COL4A4: variants seen among roughly 807,000 people sequenced by gnomAD.
The protein encoded by COL4A4 is collagen type IV alpha 4 chain, also known as collagen alpha-4(IV) chain.
Under a neutral mutation model 192.9 loss-of-function variants are expected in COL4A4, and 105 were observed. That is an observed-to-expected ratio of 0.54 (90% CI 0.46 to 0.64). The LOEUF (loss-of-function observed/expected upper bound fraction) is 0.64. COL4A4 is among the 30% of genes least tolerant of loss of function. COL4A4 has a pLI of 0.00. For missense variants in COL4A4, 1,967 were observed against 2,169.3 expected (o/e 0.91, Z 1.85); for synonymous variants, 762 against 769.9 (o/e 0.99, Z 0.17).
intron 1 of COL4A4, among the ~76,000 whole-genome samples, chr2:227,153,802 C>T (rs1289312494): frequency 6.6e-6 from 1 of 152,132 alleles, no homozygotes; most frequent in African/African-American, 2.4e-5. Context: ...AAACCTGTTT[C>T]AAAAGAGGAA....
chr2:227,078,523 C>A (rs752372578), intron 24 of COL4A4, among the ~76,000 whole-genome samples: 17 of 152,212 alleles, frequency 1.1e-4, no homozygotes, highest in Non-Finnish European at 2.4e-4. Context: ...GCGTCAGCCA[C>A]CGCGCCTGGC....
At chr2:226,970,946 C>T in the COL4A4 span, among the ~76,000 whole-genome samples, 7 of 152,120 alleles carry the variant, frequency 4.6e-5, no homozygotes, top group South Asian at 6.2e-4. Flanking sequence ...TTAAAACATA[C>T]GCAATCTCCT....
At chr2:226,982,135 G>C in the COL4A4 span, among the ~76,000 whole-genome samples, 1 of 152,232 alleles carries the variant, frequency 6.6e-6, no homozygotes, top group African/African-American at 2.4e-5. Context: ...GGCCTCACAT[G>C]TGGTAGGGTT....
At chr2:227,041,801 A>G (rs868312333) in intron 37 of COL4A4, among the ~76,000 whole-genome samples, 829 of 66,214 alleles carry the variant, frequency 0.013, 85 homozygotes, top group East Asian at 0.019. Flanking sequence ...AGAAAGAAAG[A>G]AAGGAAGAAA....
At position 227,073,100 on chromosome 2, in the gene COL4A4, C is replaced by T. The variant is rs538918429; in HGVS notation, c.1987+4794G>A. Reference sequence around the variant, plus strand: ...GCATCAAAATTAGAAAAGAGGAAGTCAAACTATCACTGTTTGCCGATAATA... The same window carrying T: ...GCATCAAAATTAGAAAAGAGGAAGTTAAACTATCACTGTTTGCCGATAATA... On this transcript the variant is annotated intron_variant, in intron 25 of 47. Transcript: ENST00000396625. Among the ~76,000 whole-genome samples the T allele has an allele frequency of 1.4e-4, 21 of 151,804 alleles. 1 individual carries two copies. The highest frequency in any genetic ancestry group is 5.1e-4 in the African/African-American group (21 of 41,262).
intron 8 of COL4A4, among the ~76,000 whole-genome samples, chr2:227,112,559 A>ACGCC (rs1298177036): frequency 6.6e-6 from 1 of 152,138 alleles, no homozygotes; most frequent in African/African-American, 2.4e-5. Flanking sequence ...GTGAGCCACC[A>ACGCC]CGCCTGGCCC....
chr2:227,089,166 T>G (rs2059764079), intron 21 of COL4A4, among the ~76,000 whole-genome samples: 1 of 137,300 alleles, frequency 7.3e-6, no homozygotes, highest in Non-Finnish European at 1.6e-5. Context: ...AGCCCATCCT[T>G]TGGTTCCTCC....
At chr2:227,088,613 T>A (rs890423761) in intron 22 of COL4A4, 40 bp downstream of exon 22, 1 of 1,610,322 alleles carries the variant, frequency 6.2e-7, no homozygotes, top group African/African-American at 1.3e-5. Context: ...TAATACCATG[T>A]CTCTTTTAAC....
chr2:227,012,912 T>C (rs772535232), intron 44 of COL4A4, among the ~76,000 whole-genome samples: 7 of 152,136 alleles, frequency 4.6e-5, no homozygotes, highest in Non-Finnish European at 8.8e-5. Context: ...ATGCCAGTTA[T>C]ACCAGTGAAG....
At chr2:227,076,124 T>A (rs57541678) in intron 25 of COL4A4, among the ~76,000 whole-genome samples, 5,667 of 152,116 alleles carry the variant, frequency 0.037, 353 homozygotes, top group African/African-American at 0.13. Flanking sequence ...TTCACAGAAT[T>A]AGAAAAAAAA....
Position 227,078,024 on chromosome 2 carries a change from G to T in COL4A4, c.1857C>A (p.Gly619=), listed in dbSNP as rs766619245. 6.2e-7 allele frequency: 1 copy of T among 1,613,962 alleles called. No homozygotes were observed. Among genetic ancestry groups the T allele is most frequent in the Non-Finnish European group, 8.5e-7 (1 of 1,179,974 alleles). The change falls in exon 25 of 48, where the codon GGC becomes GGA. Residue 619 remains glycine, a synonymous_variant. Transcript: ENST00000396625. The stretch of plus-strand genomic sequence containing the variant: ...CCACAGGTCCTGCTTTGCCTGGGGG[G>T]CCCAGAGGTCCAGGAAATCCTTTAC... ...PGGKGFPGPL[G]PPGKAGPVGP...
At chr2:227,141,589 A>C (rs2063213033) in intron 3 of COL4A4, among the ~76,000 whole-genome samples, 1 of 152,224 alleles carries the variant, frequency 6.6e-6, no homozygotes, top group Non-Finnish European at 1.5e-5. Flanking sequence ...AATCCAAAAG[A>C]AAATATCTTT....
Position 227,099,628 on chromosome 2 carries a change from G to A in COL4A4, c.1091C>T (p.Pro364Leu), listed in dbSNP as rs1282280651. The change falls in exon 18 of 48, where the codon CCA becomes CTA. Residue 364 changes from proline (P) to leucine (L), a missense_variant. Coordinates refer to ENST00000396625, the MANE Select transcript of COL4A4 (RefSeq NM_000092.5). ...TGAATAGGAACACAAACCTTTGAGTGGAAGAGGTGGAGTCACCAAAACACC... is the reference window on the plus strand; with the variant it reads ...TGAATAGGAACACAAACCTTTGAGTAGAAGAGGTGGAGTCACCAAAACACC... ...PPGVLVTPPL[P>L]LKGPPGDPGF... 16 of 1,613,856 alleles carry A rather than the reference G, an allele frequency of 9.9e-6. No individual in the cohort carries two copies. The highest frequency in any genetic ancestry group is 1.3e-5 in the African/African-American group (1 of 74,912).
At chr2:227,070,312 G>T (rs559946499) in intron 25 of COL4A4, among the ~76,000 whole-genome samples, 1 of 151,964 alleles carries the variant, frequency 6.6e-6, no homozygotes, top group East Asian at 1.9e-4. Flanking sequence ...TCAGTGTGGC[G>T]ATTCCTCAGG....
At chr2:227,030,105 A>C (rs893402648) in intron 41 of COL4A4, among the ~76,000 whole-genome samples, 1 of 151,566 alleles carries the variant, frequency 6.6e-6, no homozygotes, top group African/African-American at 2.4e-5. Context: ...TATTATGTTA[A>C]ATCACATAAA....
chr2:227,136,845 C>T (rs2062845764), intron 4 of COL4A4, among the ~76,000 whole-genome samples: 1 of 152,180 alleles, frequency 6.6e-6, no homozygotes, highest in Non-Finnish European at 1.5e-5. Flanking sequence ...GGCTGTGCAG[C>T]CTCAGGCAGA....
In COL4A4 at chr2:227,045,826, A is replaced by ATG. The variant is rs1218944614; in HGVS notation, c.3289+1648_3289+1649insCA. On this transcript the variant is annotated intron_variant, in intron 35 of 47. Transcript: ENST00000396625. ...CATATATATATATATACACATATAT[A>ATG]TATATACACACATATATATATACAC... Among the ~76,000 whole-genome samples the ATG allele has an allele frequency of 2.2e-3, 134 of 61,094 alleles. 33 individuals carry two copies. Among genetic ancestry groups the ATG allele is most frequent in the African/African-American group, 7.3e-3 (89 of 12,120 alleles). 40.1% of individuals were successfully genotyped at this position (61,094 alleles called of 152,430 possible).
At chr2:226,986,333 G>A in the COL4A4 span, among the ~76,000 whole-genome samples, 6 of 152,218 alleles carry the variant, frequency 3.9e-5, no homozygotes, top group East Asian at 1.9e-4. Flanking sequence ...CTGGAATTTA[G>A]TTCAGAGGAA....
intron 4 of COL4A4, among the ~76,000 whole-genome samples, chr2:227,138,155 A>AATCATC (rs1553707504): frequency 2.6e-5 from 4 of 151,050 alleles, no homozygotes; most frequent in African/African-American, 9.8e-5. Context: ...TAATAATAAT[A>AATCATC]ATCAAAAAAA....
Sources: gnomAD v4.1 joint callset for allele counts (sites outside exome capture counted in the v4.1 genomes callset) on GRCh38, gnomAD v4.1.1 for gene constraint, MANE v1.5 for transcripts, NCBI Gene and HGNC (gene_info 2026-07-23, HGNC 2026-07-21) for gene names.